The following XYLT1 variants were observed in gnomAD, a reference collection of about 807,000 sequenced individuals.
The protein encoded by XYLT1 is beta-D-xylosyltransferase 1.
XYLT1 carries 36 observed loss-of-function variants against 91.3 expected under a neutral mutation model. The ratio of observed to expected loss-of-function variants is 0.39; its 90% CI spans 0.30 to 0.52. The LOEUF (loss-of-function observed/expected upper bound fraction) is 0.52. XYLT1 is among the 20% of genes least tolerant of loss of function. The probability of loss-of-function intolerance (pLI) is 0.68; values close to 1 mark genes in which losing one functional copy is unlikely to be tolerated. For synonymous variants in XYLT1, 588 were observed against 532.0 expected (o/e 1.11, Z -1.45); for missense variants, 1,242 against 1,284.5 (o/e 0.97, Z 0.51).
intron 1 of XYLT1, among the ~76,000 whole-genome samples, chr16:17,412,708 T>C (rs2036128038): frequency 6.6e-6 from 1 of 152,152 alleles, no homozygotes; most frequent in Non-Finnish European, 1.5e-5. Flanking sequence ...TGGATCACCA[T>C]CCACCATCTT....
chr16:17,271,151 T>TTTTTG (rs369176872), intron 2 of XYLT1, among the ~76,000 whole-genome samples: 2 of 151,362 alleles, frequency 1.3e-5, no homozygotes, highest in Admixed American at 6.6e-5. Context: ...CCTAACTGTT[T>TTTTTG]TTTGTTTGTT....
At chr16:17,436,979 C>G (rs908260616) in intron 1 of XYLT1, among the ~76,000 whole-genome samples, 2 of 152,166 alleles carry the variant, frequency 1.3e-5, no homozygotes, top group Non-Finnish European at 2.9e-5. Context: ...TAATTGCTGA[C>G]CCTCTTGAGT....
chr16:17,292,578 T>A (rs974032226), intron 2 of XYLT1, among the ~76,000 whole-genome samples: 2 of 152,170 alleles, frequency 1.3e-5, no homozygotes, highest in African/African-American at 2.4e-5. Flanking sequence ...TCTGGTATAG[T>A]CAAGTGTTTA....
chr16:17,388,394 G>T (rs976631283), intron 1 of XYLT1, among the ~76,000 whole-genome samples: 6 of 152,148 alleles, frequency 3.9e-5, no homozygotes, highest in Non-Finnish European at 8.8e-5. Flanking sequence ...TAGAGGACCA[G>T]AGAGAGTTCA....
At chr16:17,228,706 G>T (rs2033111078) in intron 3 of XYLT1, among the ~76,000 whole-genome samples, 1 of 152,118 alleles carries the variant, frequency 6.6e-6, no homozygotes. Context: ...TGCTCCTCCG[G>T]ACCTGTGTGT....
At chr16:17,458,664 C>T (rs1339128493) in intron 1 of XYLT1, among the ~76,000 whole-genome samples, 9 of 152,154 alleles carry the variant, frequency 5.9e-5, no homozygotes, top group Admixed American at 5.9e-4. Context: ...CAAACCTTGG[C>T]CATCTCAGCA....
chr16:17,122,688 T>G lies in XYLT1; in HGVS notation c.2224-4709A>C, dbSNP rs573178566. On this transcript the variant is annotated intron_variant, in intron 10 of 11. Coordinates refer to ENST00000261381, the MANE Select transcript of XYLT1 (RefSeq NM_022166.4). The stretch of plus-strand genomic sequence containing the variant: ...CCAGTGTCTAGAAGGGTTTTTCCAA[T>G]TTTATCTTCTAGAATTTGTATGGTT... Among the ~76,000 whole-genome samples the G allele has an allele frequency of 6.6e-5, 10 of 152,346 alleles. No individual in the cohort carries two copies. The East Asian group carries it at 1.7e-3, about 26-fold the overall frequency.
chr16:17,196,954 C>A (rs747907254), intron 5 of XYLT1, among the ~76,000 whole-genome samples: 1 of 149,228 alleles, frequency 6.7e-6, no homozygotes. Flanking sequence ...GAGGCTGCAG[C>A]GAGCTAAGAT....
At chr16:17,109,196 G>A (rs772958671) in intron 11 of XYLT1, among the ~76,000 whole-genome samples, 179 bp from the exon 12 acceptor site, 1 of 152,188 alleles carries the variant, frequency 6.6e-6, no homozygotes, top group African/African-American at 2.4e-5. Flanking sequence ...AACTGAGCCC[G>A]TAAGGACAGA....
At chr16:17,305,348 T>A (rs528650957) in intron 2 of XYLT1, among the ~76,000 whole-genome samples, 1 of 152,224 alleles carries the variant, frequency 6.6e-6, no homozygotes, top group African/African-American at 2.4e-5. Context: ...GAATGGAGTT[T>A]GTGTGTATGT....
At chr16:17,388,477 C>A (rs1482004880) in intron 1 of XYLT1, among the ~76,000 whole-genome samples, 1 of 152,180 alleles carries the variant, frequency 6.6e-6, no homozygotes, top group African/African-American at 2.4e-5. Context: ...TGGGTTCAGA[C>A]AGACCAGAGC....
At chr16:17,133,768 C>A (rs938057742) in intron 9 of XYLT1, among the ~76,000 whole-genome samples, 2 of 151,892 alleles carry the variant, frequency 1.3e-5, no homozygotes, top group African/African-American at 2.4e-5. Flanking sequence ...TTCCTACCTC[C>A]CCCTCATCTT....
chr16:17,142,987 A>G (rs558859955), intron 6 of XYLT1, among the ~76,000 whole-genome samples: 48 of 152,228 alleles, frequency 3.2e-4, no homozygotes, highest in African/African-American at 1.2e-3. Flanking sequence ...TGAACCCTAG[A>G]TTAATAACTC....
chr16:17,192,432 A>G (rs2032334928), intron 5 of XYLT1, among the ~76,000 whole-genome samples: 1 of 152,172 alleles, frequency 6.6e-6, no homozygotes, highest in African/African-American at 2.4e-5. Flanking sequence ...CAAGCCAAGA[A>G]ACAGGGCAAA....
chr16:17,381,272 G>A (rs1179759416), intron 1 of XYLT1, among the ~76,000 whole-genome samples: 3 of 151,760 alleles, frequency 2.0e-5, no homozygotes, highest in African/African-American at 4.8e-5. Context: ...TGTCACAGGT[G>A]GATACAGATA....
intron 3 of XYLT1, among the ~76,000 whole-genome samples, chr16:17,201,694 C>T (rs569506951): frequency 1.3e-5 from 2 of 152,026 alleles, no homozygotes; most frequent in Admixed American, 6.6e-5. Flanking sequence ...AGGCTGGTCT[C>T]GGAACTCCTG....
Position 17,134,524 on chromosome 16 carries a change from C to A in XYLT1, c.1976G>T (p.Gly659Val), listed in dbSNP as rs769244893. 3 of 1,614,122 alleles carry A rather than the reference C, an allele frequency of 1.9e-6. No homozygotes were observed. The highest frequency in any genetic ancestry group is 2.5e-6 in the Non-Finnish European group (3 of 1,179,988). Residue 659 changes from glycine to valine, a missense_variant, in exon 9 of 12, where the codon GGT (glycine) becomes GTT (valine). By Grantham distance (109) the Gly-to-Val change is moderately radical. Around this residue, in one of 3 missense-constraint regions of XYLT1, gnomAD observed 511 missense variants for 497.0 expected, o/e 1.03. Transcript: ENST00000261381. ...LTLYHSFARL[G>V]LRRAETSLHT... The stretch of plus-strand genomic sequence containing the variant: ...CAGGGACGTCTCGGCCCGTCGAAGA[C>A]CCAGGCGGGCAAAGGAGTGGTACAA...
intron 1 of XYLT1, among the ~76,000 whole-genome samples, chr16:17,392,750 G>A (rs1273694684): frequency 6.6e-6 from 1 of 152,150 alleles, no homozygotes; most frequent in Non-Finnish European, 1.5e-5. Context: ...CCTTGACAAT[G>A]TAAATTAACA....
At position 17,259,518 on chromosome 16, in the gene XYLT1, A is replaced by G; in HGVS notation, c.403-20T>C. The stretch of plus-strand genomic sequence containing the variant: ...GCCATCCTGGAGAAGAGGGGAGAGA[A>G]ACAGAAGAGAAACTTGACTGAGAGA... On this transcript the variant is annotated intron_variant, in intron 2 of 11. Transcript: ENST00000261381. 1 of 1,596,232 alleles carries G rather than the reference A, an allele frequency of 6.3e-7. No individual in the cohort carries two copies. Among genetic ancestry groups the G allele is most frequent in the Non-Finnish European group, 8.5e-7 (1 of 1,173,568 alleles).
Sources: allele counts gnomAD v4.1 joint callset (sites outside exome capture counted in the v4.1 genomes callset), GRCh38; gene constraint gnomAD v4.1.1; regional missense constraint gnomAD v4.1.1; transcripts MANE v1.5; gene names NCBI Gene and HGNC (gene_info 2026-07-23, HGNC 2026-07-21).